ARRB1: variants seen among roughly 807,000 people sequenced by gnomAD.
ARRB1 encodes beta-arrestin-1.
Under a neutral mutation model 56.8 loss-of-function variants are expected in ARRB1, and 21 were observed. The ratio of observed to expected loss-of-function variants is 0.37; its 90% CI spans 0.26 to 0.53. The LOEUF is 0.53. Ranked by LOEUF, ARRB1 falls within the 20% of genes least tolerant of loss-of-function variation. The pLI is 0.88. For missense variants in ARRB1, 424 were observed against 553.7 expected (o/e 0.77, Z 2.35); for synonymous variants, 210 against 218.6 (o/e 0.96, Z 0.35).
At chr11:75,272,636 A>G in intron 12 of ARRB1, 1 of 489,874 alleles carries the variant, frequency 2.0e-6, no homozygotes, top group South Asian at 2.3e-5. Flanking sequence ...GCGAGCCCAG[A>G]CCTAGGATAG....
intron 1 of ARRB1, among the ~76,000 whole-genome samples, chr11:75,319,986 T>G (rs548027481): frequency 9.9e-5 from 15 of 152,284 alleles, no homozygotes; most frequent in Middle Eastern, 3.4e-3. Flanking sequence ...AGAGGCCCAG[T>G]TGGCTGTGAA....
intron 5 of ARRB1, 84 bp from the exon 6 acceptor site, chr11:75,282,105 A>C: frequency 1.4e-6 from 2 of 1,437,346 alleles, no homozygotes; most frequent in Non-Finnish European, 1.9e-6. Context: ...ACTCCCATAC[A>C]CCCATCAGAC....
chr11:75,283,332 G>A lies in ARRB1; in HGVS notation c.309C>T (p.Arg103=), dbSNP rs1399289881. ...DKKPLTRLQE[R]LIKKLGEHAY... ...CGTGCTCGCCCAGCTTCTTGATGAG[G>A]CGTTCCTGCAGCCGCGTCAGGGGCT... Residue 103 remains arginine (R), a synonymous_variant, in exon 5 of 16, where the codon CGC becomes CGT. Transcript: ENST00000420843. The A allele has an allele frequency of 1.2e-6, 2 of 1,613,848 alleles. No homozygotes were observed. Among genetic ancestry groups the A allele is most frequent in the South Asian group, 1.1e-5 (1 of 91,044 alleles).
chr11:75,275,532 C>A (rs1946183472), intron 10 of ARRB1, among the ~76,000 whole-genome samples: 1 of 152,210 alleles, frequency 6.6e-6, no homozygotes, highest in East Asian at 1.9e-4. Flanking sequence ...ACCATCTAGG[C>A]TCAACAATTA....
intron 1 of ARRB1, among the ~76,000 whole-genome samples, chr11:75,317,646 G>GT (rs977050065): frequency 2.6e-5 from 4 of 152,204 alleles, no homozygotes; most frequent in African/African-American, 7.2e-5. Context: ...GGACATGTCT[G>GT]TTTTGCTGCC....
chr11:75,267,397 C>T (rs1945947503), intron 15 of ARRB1, among the ~76,000 whole-genome samples: 1 of 152,180 alleles, frequency 6.6e-6, no homozygotes, highest in South Asian at 2.1e-4. Flanking sequence ...GACGAACGGA[C>T]TGACGGACGG....
intron 1 of ARRB1, among the ~76,000 whole-genome samples, chr11:75,348,160 A>C (rs536638680): frequency 6.6e-6 from 1 of 152,256 alleles, no homozygotes; most frequent in Admixed American, 6.5e-5. Flanking sequence ...TTACCTCTTA[A>C]GGCTCACTAT....
chr11:75,351,525 C>G, intron 1 of ARRB1, 63 bp downstream of exon 1: 1 of 1,495,802 alleles, frequency 6.7e-7, no homozygotes, highest in East Asian at 2.8e-5. Context: ...TCGGAGCCCC[C>G]GCCCGTGTCC....
At chr11:75,275,998 G>A (rs1180182541) in intron 10 of ARRB1, among the ~76,000 whole-genome samples, 1 of 152,056 alleles carries the variant, frequency 6.6e-6, no homozygotes, top group Non-Finnish European at 1.5e-5. Flanking sequence ...ATCAACAGTG[G>A]ATATGAAAAA....
intron 1 of ARRB1, among the ~76,000 whole-genome samples, chr11:75,334,590 A>G (rs1947573660): frequency 6.6e-6 from 1 of 152,326 alleles, no homozygotes; most frequent in South Asian, 2.1e-4. Flanking sequence ...GGGCTAGACC[A>G]GGCAGTTTCA....
intron 1 of ARRB1, among the ~76,000 whole-genome samples, chr11:75,345,676 A>G (rs1194428708): frequency 2.6e-5 from 4 of 152,182 alleles, no homozygotes; most frequent in Non-Finnish European, 5.9e-5. Flanking sequence ...GCCCCATGCT[A>G]ATAGGAGTGG....
At chr11:75,346,293 C>T (rs1181265381) in intron 1 of ARRB1, among the ~76,000 whole-genome samples, 1 of 152,180 alleles carries the variant, frequency 6.6e-6, no homozygotes, top group Non-Finnish European at 1.5e-5. Flanking sequence ...CAGCACATTA[C>T]ATGTCTTCCC....
chr11:75,349,446 A>G (rs867990236), intron 1 of ARRB1, among the ~76,000 whole-genome samples: 1 of 152,218 alleles, frequency 6.6e-6, no homozygotes, highest in Non-Finnish European at 1.5e-5. Flanking sequence ...CCTTGGCCTC[A>G]GAGACAGGGT....
intron 14 of ARRB1, among the ~76,000 whole-genome samples, chr11:75,268,215 A>ACAGGC (rs1244377390): frequency 6.6e-6 from 1 of 152,028 alleles, no homozygotes; most frequent in African/African-American, 2.4e-5. Flanking sequence ...CACTTGAAAA[A>ACAGGC]CAGGCCAGGC....
intron 1 of ARRB1, among the ~76,000 whole-genome samples, chr11:75,321,234 C>T (rs1041399679): frequency 2.0e-5 from 3 of 151,520 alleles, no homozygotes; most frequent in Admixed American, 6.6e-5. Context: ...TCCCACCCCA[C>T]GTGGAAGAAA....
At position 75,294,570 on chromosome 11, in the gene ARRB1, TA is replaced by T. The variant is rs1946682387; in HGVS notation, c.21-4532del. The stretch of plus-strand genomic sequence containing the variant: ...AGACTCCGTCTCAAAAATAAATAAA[TA>T]AATAAATAAATAAATAAATAAATAA... On this transcript the variant is annotated intron_variant, in intron 1 of 15. Coordinates refer to ENST00000420843, the MANE Select transcript of ARRB1 (RefSeq NM_004041.5). 1.7e-4 allele frequency among the ~76,000 whole-genome samples: 11 copies of T among 66,352 alleles called. No homozygotes were observed. The South Asian group carries it at 5.1e-3, about 31-fold the overall frequency. The allele number at this position is 66,352 out of a possible 152,430, so 43.5% of individuals were successfully genotyped here.
chr11:75,303,463 C>T (rs1946951295), intron 1 of ARRB1: 1 of 410,898 alleles, frequency 2.4e-6, no homozygotes, highest in East Asian at 7.1e-5. Flanking sequence ...CCTTGACTGC[C>T]TTGGCTTAAA....
At chr11:75,326,148 C>T (rs1377546850) in intron 1 of ARRB1, among the ~76,000 whole-genome samples, 4 of 152,112 alleles carry the variant, frequency 2.6e-5, no homozygotes. Flanking sequence ...TCTGGAGAAG[C>T]AGGAGGTGAT....
intron 1 of ARRB1, among the ~76,000 whole-genome samples, chr11:75,308,220 A>G (rs1247242861): frequency 1.3e-5 from 2 of 152,184 alleles, no homozygotes; most frequent in Non-Finnish European, 2.9e-5. Flanking sequence ...ACACTTTATG[A>G]GCTCAGTCTC....
Sources: gnomAD v4.1 joint callset for allele counts (sites outside exome capture counted in the v4.1 genomes callset) on GRCh38, gnomAD v4.1.1 for gene constraint, MANE v1.5 for transcripts, NCBI Gene and HGNC (gene_info 2026-07-23, HGNC 2026-07-21) for gene names.